The following CDC42EP5 variants were observed in gnomAD, a reference collection of about 807,000 sequenced individuals.
CDC42EP5 encodes CDC42 effector protein (Rho GTPase binding) 5.
For missense variants in CDC42EP5, 269 were observed against 238.0 expected (o/e 1.13, Z -0.86); for synonymous variants, 118 against 123.3 (o/e 0.96, Z 0.28).
intron 2 of CDC42EP5, among the ~76,000 whole-genome samples, chr19:54,465,853 T>C (rs915038184): frequency 2.0e-5 from 3 of 152,016 alleles, no homozygotes; most frequent in Admixed American, 2.0e-4. Flanking sequence ...CAGGCTGGTC[T>C]TGAACTCCTG....
In CDC42EP5 at chr19:54,465,109, C is replaced by T; in HGVS notation, c.439G>A (p.Gly147Ser). The T allele has an allele frequency of 5.1e-6, 7 of 1,374,352 alleles. No individual in the cohort carries two copies. The highest frequency in any genetic ancestry group is 6.6e-6 in the Non-Finnish European group (7 of 1,066,894). The allele number at this position is 1,374,352 out of a possible 1,614,324, so 85.1% of individuals were successfully genotyped here. A position where few individuals can be genotyped will look rare whatever the true frequency, so the allele number is the denominator to read the frequency against. Residue 147 changes from glycine (G) to serine (S), a missense_variant, in exon 3 of 3, where the codon GGC (glycine) becomes AGC (serine). Gly to Ser is a moderately conservative substitution (Grantham distance 56, BLOSUM62 0). Transcript: ENST00000301200. ...NADLELNDVI[G>S]L is the part of the protein sequence containing the mutation. ...GCGGGGAATGAGGGAACCTAGAGGC[C>T]GATGACGTCGTTCAGCTCGAGGTCC...
intron 2 of CDC42EP5, among the ~76,000 whole-genome samples, chr19:54,467,685 G>A (rs1036415567): frequency 6.6e-6 from 1 of 151,290 alleles, no homozygotes; most frequent in African/African-American, 2.4e-5. Context: ...GCCATGCCCT[G>A]CAAATTTTTG....
At chr19:54,469,388 A>G (rs927491947) in intron 2 of CDC42EP5, among the ~76,000 whole-genome samples, 1 of 151,784 alleles carries the variant, frequency 6.6e-6, no homozygotes, top group Non-Finnish European at 1.5e-5. Context: ...TAAAAAAAAA[A>G]TCCTCTCTAG....
At chr19:54,466,769 A>T (rs1257717446) in intron 2 of CDC42EP5, among the ~76,000 whole-genome samples, 1 of 152,206 alleles carries the variant, frequency 6.6e-6, no homozygotes, top group Non-Finnish European at 1.5e-5. Flanking sequence ...ATTATGCATT[A>T]TAAGTAATCT....
intron 2 of CDC42EP5, among the ~76,000 whole-genome samples, chr19:54,468,191 A>T (rs757320800): frequency 1.6e-4 from 25 of 152,342 alleles, no homozygotes; most frequent in Non-Finnish European, 2.9e-4. Context: ...GTGGAACAAA[A>T]ATTAGGTTGG....
chr19:54,471,863 G>A (rs1250178688), intron 1 of CDC42EP5, among the ~76,000 whole-genome samples, 178 bp from the exon 2 acceptor site: 71,184 of 122,128 alleles, frequency 0.58, 20,929 homozygotes, highest in East Asian at 0.78. Context: ...CAGACCCAGG[G>A]GTCAAGACCC....
At chr19:54,468,922 T>TCCTTCCTTCCTTCCTTCCTTCCTTC (rs1491162621) in intron 2 of CDC42EP5, among the ~76,000 whole-genome samples, 43 of 148,612 alleles carry the variant, frequency 2.9e-4, no homozygotes, top group African/African-American at 9.9e-4. Context: ...CTTCCTTCCT[T>TCCTTCCTTCCTTCCTTCCTTCCTTC]CTTTCTTTCT....
intron 2 of CDC42EP5, among the ~76,000 whole-genome samples, chr19:54,466,596 G>A (rs1483598815): frequency 1.3e-5 from 2 of 152,172 alleles, no homozygotes; most frequent in Non-Finnish European, 2.9e-5. Context: ...GCTTTGCCTA[G>A]GGTGCATTTT....
At chr19:54,471,317 G>C (rs368250109) in intron 2 of CDC42EP5, among the ~76,000 whole-genome samples, 1 of 152,016 alleles carries the variant, frequency 6.6e-6, no homozygotes, top group Non-Finnish European at 1.5e-5. Flanking sequence ...TCTCAGTCCC[G>C]GCCCCGCCAG....
intron 2 of CDC42EP5, among the ~76,000 whole-genome samples, chr19:54,467,027 G>A (rs985866309): frequency 1.3e-5 from 2 of 149,298 alleles, no homozygotes; most frequent in East Asian, 2.0e-4. Context: ...TCCTGACCTC[G>A]TGATCTGCCC....
At chr19:54,466,267 A>AC (rs1489338018) in intron 2 of CDC42EP5, among the ~76,000 whole-genome samples, 2 of 151,826 alleles carry the variant, frequency 1.3e-5, no homozygotes, top group Non-Finnish European at 2.9e-5. Context: ...ACATGGTGAA[A>AC]CCCCATCTCT....
In CDC42EP5 at chr19:54,465,146, G is replaced by A. The variant is rs1388341296; in HGVS notation, c.402C>T (p.Cys134=). 4 of 1,398,342 alleles carry A rather than the reference G, an allele frequency of 2.9e-6. No individual in the cohort carries two copies. The highest frequency in any genetic ancestry group is 1.6e-5 in the South Asian group (1 of 61,430). 86.6% of individuals were successfully genotyped at this position (1,398,342 alleles called of 1,614,324 possible). A position where few individuals can be genotyped will look rare whatever the true frequency, so the allele number is the denominator to read the frequency against. The change falls in exon 3 of 3, where the codon TGC becomes TGT. Residue 134 remains cysteine, a synonymous_variant. Coordinates refer to ENST00000301200, the MANE Select transcript of CDC42EP5 (RefSeq NM_145057.4). ...TCAGCTCGAGGTCCGCGTTGGGGCG[G>A]CAGCGGGCCTGGGGGGGCTGCGTCC... ...RPGTQPPQAR[C]RPNADLELND...
Position 54,465,156 on chromosome 19 carries a change from TG to T in CDC42EP5, c.391del (p.Gln131ArgfsTer12), listed in dbSNP as rs546021169. ...AEPRPGTQPP[Q>X]ARCRPNADLE... ...GTCCGCGTTGGGGCGGCAGCGGGCC[TG>T]GGGGGGCTGCGTCCCGGGGCGGGGT... On this transcript the variant is annotated frameshift_variant, in exon 3 of 3. Transcript: ENST00000301200. LOFTEE classifies it high-confidence loss of function. The T allele has an allele frequency of 3.3e-5, 47 of 1,406,318 alleles. No homozygotes were observed. Among genetic ancestry groups the T allele is most frequent in the Admixed American group, 1.3e-4 (4 of 29,872 alleles). 87.1% of individuals were successfully genotyped at this position (1,406,318 alleles called of 1,614,324 possible). A position where few individuals can be genotyped will look rare whatever the true frequency, so the allele number is the denominator to read the frequency against.
At chr19:54,469,833 C>CT (rs1206843992) in intron 2 of CDC42EP5, among the ~76,000 whole-genome samples, 11 of 152,162 alleles carry the variant, frequency 7.2e-5, no homozygotes, top group Admixed American at 4.6e-4. Context: ...TGCCTCTTGA[C>CT]TCGTGGACAG....
intron 1 of CDC42EP5, among the ~76,000 whole-genome samples, chr19:54,472,530 C>T (rs1250868872): frequency 1.4e-5 from 1 of 71,902 alleles, no homozygotes; most frequent in Non-Finnish European, 2.6e-5. Flanking sequence ...TCCCTCAGAC[C>T]CAGGAGTCAA....
chr19:54,467,558 G>A (rs1384809180), intron 2 of CDC42EP5, among the ~76,000 whole-genome samples: 1 of 141,512 alleles, frequency 7.1e-6, no homozygotes, highest in Non-Finnish European at 1.5e-5. Flanking sequence ...GCCCATAGCT[G>A]CACCAAATTC....
chr19:54,465,123 A>G lies in CDC42EP5; in HGVS notation c.425T>C (p.Leu142Pro), dbSNP rs1420484562. Residue 142 changes from leucine to proline, a missense_variant, in exon 3 of 3, where the codon CTG (leucine) becomes CCG (proline). Leu to Pro is a moderately conservative substitution (Grantham distance 98). Coordinates refer to ENST00000301200, the MANE Select transcript of CDC42EP5 (RefSeq NM_145057.4). ...AACCTAGAGGCCGATGACGTCGTTC[A>G]GCTCGAGGTCCGCGTTGGGGCGGCA... Reference protein sequence around the residue: ...ARCRPNADLELNDVIGL With the variant: ...ARCRPNADLEPNDVIGL 1 of 1,385,366 alleles carries G rather than the reference A, an allele frequency of 7.2e-7. No individual in the cohort carries two copies. 85.8% of individuals were successfully genotyped at this position (1,385,366 alleles called of 1,614,324 possible).
intron 2 of CDC42EP5, among the ~76,000 whole-genome samples, chr19:54,468,935 T>C (rs12982811): frequency 2.2e-3 from 88 of 39,202 alleles, no homozygotes; most frequent in African/African-American, 4.3e-3. Context: ...TTCTTTCTTT[T>C]CTTCCCTCCC....
At chr19:54,467,845 C>T (rs538998962) in intron 2 of CDC42EP5, among the ~76,000 whole-genome samples, 4 of 152,108 alleles carry the variant, frequency 2.6e-5, no homozygotes, top group Non-Finnish European at 5.9e-5. Flanking sequence ...GAAATAGAAA[C>T]GCAGCCACAG....
Sources: gnomAD v4.1 joint callset for allele counts (sites outside exome capture counted in the v4.1 genomes callset) on GRCh38, gnomAD v4.1.1 for gene constraint, MANE v1.5 for transcripts, NCBI Gene and HGNC (gene_info 2026-07-23, HGNC 2026-07-21) for gene names.